TEAD1: variants seen among roughly 807,000 people sequenced by gnomAD.
The protein encoded by TEAD1 is transcriptional enhancer factor TEF-1.
TEAD1 carries 9 observed loss-of-function variants against 54.9 expected under a neutral mutation model. The ratio of observed to expected loss-of-function variants is 0.16; its 90% CI spans 0.10 to 0.29. TEAD1 has a LOEUF of 0.29. Among genes scored for constraint, TEAD1 ranks in the 10% least tolerant of loss-of-function variants. The pLI, the probability that TEAD1 is intolerant of heterozygous loss-of-function variation, is 1.00. For synonymous variants in TEAD1, 200 were observed against 187.8 expected (o/e 1.07, Z -0.53); for missense variants, 387 against 535.9 (o/e 0.72, Z 2.74).
chr11:12,922,510 T>A (rs558400767), intron 10 of TEAD1: 2 of 152,104 alleles, frequency 1.3e-5, no homozygotes, highest in Admixed American at 1.3e-4. Context: ...GCCTAAGGAG[T>A]TGGACATTTT....
intron 9 of TEAD1, among the ~76,000 whole-genome samples, chr11:12,887,527 A>C (rs55980901): frequency 0.013 from 2,013 of 152,306 alleles, 19 homozygotes; most frequent in Non-Finnish European, 0.021. Context: ...TATTTAAAGC[A>C]TTTGACAGTA....
At chr11:12,691,410 G>A (rs562357542) in intron 2 of TEAD1, among the ~76,000 whole-genome samples, 36 of 152,248 alleles carry the variant, frequency 2.4e-4, no homozygotes, top group African/African-American at 8.2e-4. Flanking sequence ...AGGCTATGAT[G>A]TGTGTGCTAG....
chr11:12,912,357 G>C, intron 10 of TEAD1, among the ~76,000 whole-genome samples: 1 of 152,202 alleles, frequency 6.6e-6, no homozygotes, highest in East Asian at 1.9e-4. Context: ...AAGCACAGAG[G>C]TGGAACCCTT....
chr11:12,725,638 G>A (rs1484584460), intron 2 of TEAD1, among the ~76,000 whole-genome samples: 1 of 152,138 alleles, frequency 6.6e-6, no homozygotes, highest in African/African-American at 2.4e-5. Context: ...AAATATGTGA[G>A]TGAATATACA....
At chr11:12,722,468 A>G (rs938702338) in intron 2 of TEAD1, among the ~76,000 whole-genome samples, 1 of 152,142 alleles carries the variant, frequency 6.6e-6, no homozygotes, top group Non-Finnish European at 1.5e-5. Context: ...CTGCCTTGCT[A>G]GGTGGGTAAT....
intron 3 of TEAD1, among the ~76,000 whole-genome samples, chr11:12,778,517 C>T (rs1391618974): frequency 6.6e-6 from 1 of 150,618 alleles, no homozygotes; most frequent in Non-Finnish European, 1.5e-5. Context: ...CCATTAAAGG[C>T]CTCATCAGAC....
At chr11:12,924,542 C>T (rs945121719) in intron 10 of TEAD1, among the ~76,000 whole-genome samples, 2 of 152,066 alleles carry the variant, frequency 1.3e-5, no homozygotes, top group Non-Finnish European at 2.9e-5. Flanking sequence ...GCTGCAGTCT[C>T]TTGTTTTTTT....
At chr11:12,914,342 A>G (rs1241952875) in intron 10 of TEAD1, among the ~76,000 whole-genome samples, 1 of 152,212 alleles carries the variant, frequency 6.6e-6, no homozygotes, top group Non-Finnish European at 1.5e-5. Context: ...AATATATGCC[A>G]TAATTAGCGG....
intron 3 of TEAD1, among the ~76,000 whole-genome samples, chr11:12,775,521 T>C (rs1945399010): frequency 6.6e-6 from 1 of 152,218 alleles, no homozygotes; most frequent in Admixed American, 6.5e-5. Context: ...ATTGTTGTTA[T>C]GTATTTTATC....
At chr11:12,784,597 A>G (rs879336660) in intron 3 of TEAD1, among the ~76,000 whole-genome samples, 8 of 152,222 alleles carry the variant, frequency 5.3e-5, no homozygotes, top group East Asian at 1.9e-4. Context: ...GAATTCACGT[A>G]TGTTTACTAA....
intron 3 of TEAD1, among the ~76,000 whole-genome samples, chr11:12,801,175 G>C (rs1946051861): frequency 6.6e-6 from 1 of 152,224 alleles, no homozygotes; most frequent in Non-Finnish European, 1.5e-5. Context: ...CAAGAAAAGA[G>C]TAAGTGTAGC....
At chr11:12,821,109 C>G (rs2134002970) in intron 3 of TEAD1, among the ~76,000 whole-genome samples, 1 of 152,262 alleles carries the variant, frequency 6.6e-6, no homozygotes, top group South Asian at 2.1e-4. Flanking sequence ...AAGCAGAGCC[C>G]CATTCAATTG....
In TEAD1 at chr11:12,937,957, CCCTTAT is replaced by C. The variant is rs1304921007; in HGVS notation, c.*741_*746del. On this transcript the variant is annotated 3_prime_UTR_variant, in exon 13 of 13. Coordinates refer to ENST00000527636, the MANE Select transcript of TEAD1 (RefSeq NM_021961.6). ...GTATTACAAAGGAAGAAAACTTCACCCCTTATCCTTAACATATATAGTATATTTAAA... is the reference window on the plus strand; with the variant it reads ...GTATTACAAAGGAAGAAAACTTCACCCCTTAACATATATAGTATATTTAAA... The C allele has an allele frequency of 1.4e-5, 2 of 145,136 alleles. No homozygotes were observed. Among genetic ancestry groups the C allele is most frequent in the African/African-American group, 5.7e-5 (2 of 34,824 alleles). 9.0% of individuals were successfully genotyped at this position (145,136 alleles called of 1,614,324 possible). A position where few individuals can be genotyped will look rare whatever the true frequency, so the allele number is the denominator to read the frequency against.
At chr11:12,915,996 T>C (rs1401895763) in intron 10 of TEAD1, among the ~76,000 whole-genome samples, 3 of 152,186 alleles carry the variant, frequency 2.0e-5, no homozygotes, top group Non-Finnish European at 4.4e-5. Flanking sequence ...ATTTGGAAAC[T>C]TTTGATGGGG....
intron 5 of TEAD1, chr11:12,865,374 T>C (rs1947595844): frequency 6.1e-6 from 1 of 164,684 alleles, no homozygotes; most frequent in Non-Finnish European, 1.3e-5. Flanking sequence ...ACTCATGCTT[T>C]TGATGTATTT....
At position 12,941,124 on chromosome 11, in the gene TEAD1, C is replaced by T. The variant is rs1168972587; in HGVS notation, c.*3902C>T. ...CTTAGGTGCTCTAAGCTTAATCCCTCAGAATGTGTGGACAGGTCAGCTTAG... is the reference window on the plus strand; with the variant it reads ...CTTAGGTGCTCTAAGCTTAATCCCTTAGAATGTGTGGACAGGTCAGCTTAG... On this transcript the variant is annotated 3_prime_UTR_variant, in exon 13 of 13. Transcript: ENST00000527636. 1 of 152,258 alleles carries T rather than the reference C, an allele frequency of 6.6e-6. No homozygotes were observed. Among genetic ancestry groups the T allele is most frequent in the Non-Finnish European group, 1.5e-5 (1 of 68,078 alleles). The allele number at this position is 152,258 out of a possible 1,614,324, so 9.4% of individuals were successfully genotyped here.
chr11:12,714,973 C>T (rs569576786), intron 2 of TEAD1, among the ~76,000 whole-genome samples: 3 of 152,232 alleles, frequency 2.0e-5, no homozygotes, highest in African/African-American at 7.2e-5. Flanking sequence ...GTTCAACATA[C>T]GATTTTTTTG....
chr11:12,678,482 GT>G (rs1391563358), intron 2 of TEAD1, among the ~76,000 whole-genome samples: 1 of 152,164 alleles, frequency 6.6e-6, no homozygotes, highest in Non-Finnish European at 1.5e-5. Context: ...TGCATCTAGA[GT>G]TGTGTTTGAA....
At chr11:12,841,476 A>G (rs1360599993) in intron 3 of TEAD1, among the ~76,000 whole-genome samples, 1 of 151,960 alleles carries the variant, frequency 6.6e-6, no homozygotes, top group Admixed American at 6.6e-5. Context: ...TCCAAGGGAA[A>G]CTCAATGGGG....
Sources: allele counts gnomAD v4.1 joint callset (sites outside exome capture counted in the v4.1 genomes callset), GRCh38; gene constraint gnomAD v4.1.1; transcripts MANE v1.5; gene names NCBI Gene and HGNC (gene_info 2026-07-23, HGNC 2026-07-21).